SLC16A10: variants seen among roughly 807,000 people sequenced by gnomAD.
SLC16A10 encodes monocarboxylate transporter 10.
A neutral mutation model predicts 40.0 loss-of-function variants in SLC16A10; 27 were observed. The ratio of observed to expected loss-of-function variants is 0.67; its 90% CI spans 0.50 to 0.93. SLC16A10 has a LOEUF of 0.93. Among genes scored for constraint, SLC16A10 ranks in the 40% least tolerant of loss-of-function variants. The pLI is 0.00. For synonymous variants in SLC16A10, 213 were observed against 249.8 expected, an observed-to-expected ratio of 0.85 and a Z score of 1.39; for missense variants, 529 against 658.2, an observed-to-expected ratio of 0.80 and a Z score of 2.15.
chr6:111,176,105 G>C (rs1772680366), intron 2 of SLC16A10, among the ~76,000 whole-genome samples: 1 of 152,150 alleles, frequency 6.6e-6, no homozygotes, highest in Non-Finnish European at 1.5e-5. Flanking sequence ...TCAGAGTGAG[G>C]TGAGATTAAT....
intron 4 of SLC16A10, among the ~76,000 whole-genome samples, chr6:111,213,983 A>T (rs763748435): frequency 6.6e-6 from 1 of 152,196 alleles, no homozygotes; most frequent in African/African-American, 2.4e-5. Context: ...ATTCAGGTGC[A>T]GCTCATTGTT....
chr6:111,228,295 A>T lies in SLC16A10; in HGVS notation c.*6060A>T, dbSNP rs1771044720. On this transcript the variant is annotated 3_prime_UTR_variant, in exon 6 of 6. Transcript: ENST00000368851. ...TACACATTAAACTCCTGTAAGAGACACTCCTTCCTAGTAGAACAAGGACTG... is the reference window on the plus strand; with the variant it reads ...TACACATTAAACTCCTGTAAGAGACTCTCCTTCCTAGTAGAACAAGGACTG... 1 of 152,092 alleles carries T rather than the reference A, an allele frequency of 6.6e-6. No homozygotes were observed. Among genetic ancestry groups the T allele is most frequent in the Non-Finnish European group, 1.5e-5 (1 of 68,014 alleles). The allele number at this position is 152,092 out of a possible 1,614,324, so 9.4% of individuals were successfully genotyped here.
At chr6:111,124,610 G>T (rs190151762) in intron 1 of SLC16A10, among the ~76,000 whole-genome samples, 1 of 152,248 alleles carries the variant, frequency 6.6e-6, no homozygotes, top group Non-Finnish European at 1.5e-5. Context: ...CCATCTGCCC[G>T]CCTTGGCCTT....
chr6:111,096,665 C>T (rs967286560), intron 1 of SLC16A10, among the ~76,000 whole-genome samples: 1 of 152,142 alleles, frequency 6.6e-6, no homozygotes, highest in Non-Finnish European at 1.5e-5. Context: ...GAAGAAATGG[C>T]TTGCCTTATT....
In SLC16A10 at chr6:111,224,536, C is replaced by T. The variant is rs1018332399; in HGVS notation, c.*2301C>T. 2 of 152,114 alleles carry T rather than the reference C, an allele frequency of 1.3e-5. No individual in the cohort carries two copies. Among genetic ancestry groups the T allele is most frequent in the African/African-American group, 4.8e-5 (2 of 41,404 alleles). 9.4% of individuals were successfully genotyped at this position (152,114 alleles called of 1,614,324 possible). ...TATTAAACTTCACATATGTAGTTTT[C>T]AGTTTAATGGAATGAATCAAACTGG... On this transcript the variant is annotated 3_prime_UTR_variant, in exon 6 of 6. Transcript: ENST00000368851.
chr6:111,148,504 G>A (rs1237042560), intron 1 of SLC16A10, among the ~76,000 whole-genome samples: 1 of 152,196 alleles, frequency 6.6e-6, no homozygotes, highest in Non-Finnish European at 1.5e-5. Flanking sequence ...TGAGCAAGGA[G>A]GCATTTGATT....
chr6:111,097,946 A>AT (rs1047377037), intron 1 of SLC16A10, among the ~76,000 whole-genome samples: 1 of 152,104 alleles, frequency 6.6e-6, no homozygotes, highest in African/African-American at 2.4e-5. Flanking sequence ...GCTAGTACCT[A>AT]TTTTTTGCTA....
intron 1 of SLC16A10, among the ~76,000 whole-genome samples, chr6:111,127,891 C>G (rs1771704598): frequency 6.6e-6 from 1 of 152,110 alleles, no homozygotes; most frequent in Non-Finnish European, 1.5e-5. Context: ...AAAGCAAAAT[C>G]CTGTTGTGCA....
At chr6:111,179,631 T>TTA (rs1400867372) in intron 3 of SLC16A10, among the ~76,000 whole-genome samples, 3 of 152,224 alleles carry the variant, frequency 2.0e-5, no homozygotes, top group Non-Finnish European at 4.4e-5. Flanking sequence ...TTAGACAATG[T>TTA]TATAGATACT....
At chr6:111,155,042 A>G (rs1447495448) in intron 1 of SLC16A10, among the ~76,000 whole-genome samples, 9 of 151,186 alleles carry the variant, frequency 6.0e-5, no homozygotes, top group Non-Finnish European at 5.9e-5. Context: ...AAAAAAAAAA[A>G]AAGACAATTC....
intron 1 of SLC16A10, among the ~76,000 whole-genome samples, chr6:111,132,345 A>C (rs917475636): frequency 6.6e-6 from 1 of 152,222 alleles, no homozygotes; most frequent in Non-Finnish European, 1.5e-5. Flanking sequence ...TATAATTGAT[A>C]ATTGAAGGTC....
chr6:111,215,855 T>C (rs1773413208), intron 4 of SLC16A10, among the ~76,000 whole-genome samples: 1 of 152,036 alleles, frequency 6.6e-6, no homozygotes, highest in Non-Finnish European at 1.5e-5. Flanking sequence ...AAATAAAAAA[T>C]TAGCCGGGCA....
At chr6:111,135,094 A>G (rs537377502) in intron 1 of SLC16A10, among the ~76,000 whole-genome samples, 2 of 152,010 alleles carry the variant, frequency 1.3e-5, no homozygotes, top group East Asian at 3.9e-4. Context: ...TGAAAGCCCC[A>G]CTCCCTTGTT....
chr6:111,220,392 A>T (rs1368391848), intron 5 of SLC16A10, among the ~76,000 whole-genome samples: 4 of 152,208 alleles, frequency 2.6e-5, no homozygotes, highest in Non-Finnish European at 5.9e-5. Context: ...AAGATGTCCT[A>T]TGTTCAGTAT....
intron 3 of SLC16A10, among the ~76,000 whole-genome samples, chr6:111,201,201 A>G (rs147715594): frequency 8.1e-4 from 124 of 152,360 alleles, no homozygotes; most frequent in African/African-American, 2.8e-3. Context: ...TGAGAGAATC[A>G]AAATCATTAT....
intron 1 of SLC16A10, among the ~76,000 whole-genome samples, chr6:111,127,175 T>G (rs971309244): frequency 2.6e-5 from 4 of 152,196 alleles, no homozygotes; most frequent in African/African-American, 4.8e-5. Context: ...AATTTACATT[T>G]TAGTGGTAGA....
chr6:111,148,797 G>A (rs542139385), intron 1 of SLC16A10, among the ~76,000 whole-genome samples: 3 of 152,164 alleles, frequency 2.0e-5, no homozygotes, highest in East Asian at 3.9e-4. Flanking sequence ...TTTCTTTATC[G>A]GAACAAGGAG....
intron 1 of SLC16A10, among the ~76,000 whole-genome samples, chr6:111,168,702 A>G (rs942253367): frequency 1.3e-5 from 2 of 152,232 alleles, no homozygotes; most frequent in Non-Finnish European, 2.9e-5. Context: ...TCTATTGCCA[A>G]TTACTATTGT....
intron 1 of SLC16A10, among the ~76,000 whole-genome samples, chr6:111,148,989 T>C (rs956111065): frequency 6.6e-6 from 1 of 152,200 alleles, no homozygotes; most frequent in Admixed American, 6.5e-5. Context: ...GTAGAATTGA[T>C]ACTGCTTGAC....
Sources: allele counts gnomAD v4.1 joint callset (sites outside exome capture counted in the v4.1 genomes callset), GRCh38; gene constraint gnomAD v4.1.1; transcripts MANE v1.5; gene names NCBI Gene and HGNC (gene_info 2026-07-23, HGNC 2026-07-21).